NDST4: variants seen among roughly 807,000 people sequenced by gnomAD.
NDST4 encodes the protein N-heparan sulfate sulfotransferase 4.
A neutral mutation model predicts 100.8 loss-of-function variants in NDST4; 63 were observed. That is an observed-to-expected ratio of 0.62 (90% CI 0.51 to 0.77). The LOEUF (loss-of-function observed/expected upper bound fraction) is 0.77, where lower values mean the gene tolerates loss of function less well. Ranked by LOEUF, NDST4 falls within the 30% of genes least tolerant of loss-of-function variation. NDST4 has a pLI of 0.00. For synonymous variants in NDST4, 377 were observed against 361.8 expected (o/e 1.04, Z -0.48); for missense variants, 943 against 1,018.4 (o/e 0.93, Z 1.01).
At chr4:114,908,303 G>A (rs1322247552) in intron 6 of NDST4, among the ~76,000 whole-genome samples, 2 of 151,938 alleles carry the variant, frequency 1.3e-5, no homozygotes, top group Non-Finnish European at 2.9e-5. Flanking sequence ...CTTGTGGCAG[G>A]AGTTATGTGA....
chr4:114,988,853 A>G (rs901394988), intron 2 of NDST4, among the ~76,000 whole-genome samples: 26 of 152,212 alleles, frequency 1.7e-4, no homozygotes, highest in African/African-American at 6.3e-4. Flanking sequence ...TATGAAAACC[A>G]TTATTATTCA....
intron 6 of NDST4, among the ~76,000 whole-genome samples, chr4:114,872,202 C>G (rs1246939416): frequency 6.6e-6 from 1 of 151,878 alleles, no homozygotes; most frequent in Non-Finnish European, 1.5e-5. Flanking sequence ...CACTGGATAA[C>G]TATAAATGTC....
At chr4:114,967,402 G>GA (rs1726407215) in intron 4 of NDST4, among the ~76,000 whole-genome samples, 1 of 152,100 alleles carries the variant, frequency 6.6e-6, no homozygotes, top group Non-Finnish European at 1.5e-5. Flanking sequence ...TAATTACTCT[G>GA]AATGGACTCT....
chr4:115,039,143 A>G, intron 2 of NDST4, among the ~76,000 whole-genome samples: 1 of 152,174 alleles, frequency 6.6e-6, no homozygotes, highest in East Asian at 1.9e-4. Context: ...ATGAGTGGGT[A>G]GGGCCAAACT....
chr4:114,993,045 A>G (rs895179700), intron 2 of NDST4, among the ~76,000 whole-genome samples: 1 of 151,956 alleles, frequency 6.6e-6, no homozygotes, highest in Non-Finnish European at 1.5e-5. Context: ...AAATAATTAT[A>G]TATCTTTCTA....
At chr4:114,964,653 A>T (rs1578417524) in intron 4 of NDST4, among the ~76,000 whole-genome samples, 1 of 152,288 alleles carries the variant, frequency 6.6e-6, no homozygotes, top group East Asian at 1.9e-4. Context: ...ATTTTTAAGT[A>T]CACAATATTA....
intron 6 of NDST4, among the ~76,000 whole-genome samples, chr4:114,906,476 C>T (rs1427388925): frequency 6.6e-6 from 1 of 151,858 alleles, no homozygotes; most frequent in Non-Finnish European, 1.5e-5. Flanking sequence ...CTTCAAACTT[C>T]CATGCTGTAA....
At chr4:114,989,926 T>C (rs1726999446) in intron 2 of NDST4, among the ~76,000 whole-genome samples, 1 of 152,166 alleles carries the variant, frequency 6.6e-6, no homozygotes. Flanking sequence ...CCTTTATTCT[T>C]CAGTAGAGAA....
intron 2 of NDST4, among the ~76,000 whole-genome samples, chr4:114,992,698 G>C (rs1211716942): frequency 6.6e-6 from 1 of 151,660 alleles, no homozygotes; most frequent in Non-Finnish European, 1.5e-5. Flanking sequence ...ATTTTCAAAA[G>C]GTCATTATAT....
intron 2 of NDST4, among the ~76,000 whole-genome samples, chr4:115,020,994 A>G (rs1727799764): frequency 6.6e-6 from 1 of 152,102 alleles, no homozygotes; most frequent in Non-Finnish European, 1.5e-5. Flanking sequence ...CACTATGGAA[A>G]ACAATGTGGA....
intron 2 of NDST4, among the ~76,000 whole-genome samples, chr4:114,979,806 A>C (rs1578427704): frequency 6.6e-6 from 1 of 152,086 alleles, no homozygotes; most frequent in East Asian, 1.9e-4. Context: ...TGGATTAATG[A>C]GGGAGTAAAA....
At chr4:115,090,351 A>C (rs1002588159) in intron 1 of NDST4, among the ~76,000 whole-genome samples, 3 of 151,958 alleles carry the variant, frequency 2.0e-5, no homozygotes, top group Non-Finnish European at 4.4e-5. Flanking sequence ...TTAAAAATCC[A>C]AAATAATGAT....
intron 2 of NDST4, among the ~76,000 whole-genome samples, chr4:114,996,554 C>T (rs941745367): frequency 2.0e-5 from 3 of 152,010 alleles, no homozygotes; most frequent in Non-Finnish European, 4.4e-5. Flanking sequence ...ATCCAAGAGG[C>T]CTTTTAAGGA....
chr4:114,848,417 G>T, intron 8 of NDST4, 79 bp from the exon 9 acceptor site: 1 of 1,150,660 alleles, frequency 8.7e-7, no homozygotes. Flanking sequence ...TGCTCAAAAA[G>T]TAATATTAAA....
chr4:114,963,617 T>C (rs1354657032), intron 4 of NDST4, among the ~76,000 whole-genome samples: 1 of 152,152 alleles, frequency 6.6e-6, no homozygotes, highest in African/African-American at 2.4e-5. Flanking sequence ...AATGATACAA[T>C]GGTAACTTGC....
At chr4:114,991,245 T>A (rs542053857) in intron 2 of NDST4, among the ~76,000 whole-genome samples, 1 of 152,164 alleles carries the variant, frequency 6.6e-6, no homozygotes, top group African/African-American at 2.4e-5. Flanking sequence ...TGATAGCTAA[T>A]GTGCCTAAGA....
intron 2 of NDST4, among the ~76,000 whole-genome samples, chr4:115,061,602 A>G (rs543217234): frequency 6.8e-6 from 1 of 146,936 alleles, no homozygotes; most frequent in South Asian, 2.2e-4. Context: ...GGAGGGGAAC[A>G]TCACACATTG....
chr4:114,976,005 C>T (rs937189963), intron 3 of NDST4, among the ~76,000 whole-genome samples: 9 of 151,996 alleles, frequency 5.9e-5, no homozygotes, highest in Non-Finnish European at 7.4e-5. Flanking sequence ...TTTATCAACT[C>T]GTATACATAC....
At chr4:114,991,345 A>G (rs1727035758) in intron 2 of NDST4, among the ~76,000 whole-genome samples, 1 of 152,150 alleles carries the variant, frequency 6.6e-6, no homozygotes, top group Admixed American at 6.6e-5. Context: ...CTGCAGGAGC[A>G]AGACTCCTCT....
Sources: gnomAD v4.1 joint callset for allele counts (sites outside exome capture counted in the v4.1 genomes callset) on GRCh38, gnomAD v4.1.1 for gene constraint, MANE v1.5 for transcripts, NCBI Gene and HGNC (gene_info 2026-07-23, HGNC 2026-07-21) for gene names.